The following LARP1 variants were observed in gnomAD, a reference collection of about 807,000 sequenced individuals.
LARP1 encodes the protein La ribonucleoprotein 1, translational regulator.
LARP1 carries 36 observed loss-of-function variants against 122.7 expected under a neutral mutation model. The ratio of observed to expected loss-of-function variants is 0.29; its 90% CI spans 0.22 to 0.39. The LOEUF (loss-of-function observed/expected upper bound fraction) is 0.39. LARP1 is among the 10% of genes least tolerant of loss of function. The pLI is 1.00. For synonymous variants in LARP1, 539 were observed against 528.7 expected (o/e 1.02, Z -0.27); for missense variants, 1,040 against 1,403.6 (o/e 0.74, Z 4.14).
intron 1 of LARP1, among the ~76,000 whole-genome samples, chr5:154,715,689 G>A (rs1160043650): frequency 6.6e-6 from 1 of 152,080 alleles, no homozygotes; most frequent in Non-Finnish European, 1.5e-5. Flanking sequence ...GAGTGCCTTG[G>A]GTATCTGAGT....
rs758268818 is a variant in LARP1, at chr5:154,756,118, C to A, written c.361C>A (p.Pro121Thr). ...GCGCCGGGACTTCGTGGAAGCCCCC[C>A]CGCCCAAGGTGAACCCGTGGACTAA... ...AGRRDFVEAPPPKVNPWTKNA... is the reference protein window; with the variant it reads ...AGRRDFVEAPTPKVNPWTKNA... The change falls in exon 1 of 19, where the codon CCG becomes ACG. Residue 121 changes from proline (P) to threonine (T), a missense_variant. Physicochemically the swap from Pro to Thr is conservative, Grantham distance 38 (BLOSUM62 -1). Transcript: ENST00000518297. The A allele has an allele frequency of 6.4e-6, 8 of 1,244,348 alleles. No homozygotes were observed. In the South Asian group the frequency reaches 9.5e-5, roughly 15 times the overall value. 77.1% of individuals were successfully genotyped at this position (1,244,348 alleles called of 1,614,324 possible).
chr5:154,795,825 A>ATATATATTTTATATACATT (rs1443507472), intron 8 of LARP1, among the ~76,000 whole-genome samples: 1 of 109,848 alleles, frequency 9.1e-6, no homozygotes, highest in Non-Finnish European at 2.0e-5. Context: ...ATATATATTT[A>ATATATATTTTATATACATT]TATATATATT....
upstream of LARP1, among the ~76,000 whole-genome samples, chr5:154,755,084 C>G (rs1412891594): frequency 6.6e-6 from 1 of 152,004 alleles, no homozygotes; most frequent in Non-Finnish European, 1.5e-5. Context: ...ACCGACAACT[C>G]CCGAATTGCA....
At chr5:154,797,742 G>A (rs1197379056) in intron 8 of LARP1, among the ~76,000 whole-genome samples, 2 of 148,722 alleles carry the variant, frequency 1.3e-5, no homozygotes, top group East Asian at 2.0e-4. Context: ...AGGCTAGATT[G>A]CAGTGGTGTG....
At chr5:154,757,913 C>G (rs1400304727) in intron 1 of LARP1, among the ~76,000 whole-genome samples, 2 of 136,580 alleles carry the variant, frequency 1.5e-5, no homozygotes, top group Admixed American at 7.4e-5. Context: ...TCCTCCCCTT[C>G]CCCCCTTTCC....
chr5:154,714,109 A>C (rs1375924191), intron 1 of LARP1, among the ~76,000 whole-genome samples: 1 of 152,234 alleles, frequency 6.6e-6, no homozygotes, highest in Non-Finnish European at 1.5e-5. Context: ...AATCTGGGCA[A>C]TGCTTGCCTA....
At chr5:154,762,278 A>G (rs1198892365) in intron 1 of LARP1, among the ~76,000 whole-genome samples, 1 of 152,044 alleles carries the variant, frequency 6.6e-6, no homozygotes, top group South Asian at 2.1e-4. Flanking sequence ...AACCTCCTAC[A>G]CAGAGGTAAG....
At chr5:154,705,890 T>A (rs895105806) in intron 1 of LARP1, among the ~76,000 whole-genome samples, 1 of 152,120 alleles carries the variant, frequency 6.6e-6, no homozygotes, top group Non-Finnish European at 1.5e-5. Context: ...ACAAAATAAA[T>A]CATTTTATCA....
chr5:154,753,576 C>T (rs1753619332), upstream of LARP1, among the ~76,000 whole-genome samples: 1 of 152,218 alleles, frequency 6.6e-6, no homozygotes, highest in South Asian at 2.1e-4. Flanking sequence ...GCTCTTTTGA[C>T]GTACTGGCTT....
Position 154,816,455 on chromosome 5 carries a change from C to T in LARP1, c.*2359C>T, listed in dbSNP as rs561635962. 2 of 152,744 alleles carry T rather than the reference C, an allele frequency of 1.3e-5. No homozygotes were observed. The highest frequency in any genetic ancestry group is 4.1e-4 in the South Asian group (2 of 4,832). The allele number at this position is 152,744 out of a possible 1,614,324, so 9.5% of individuals were successfully genotyped here. ...TCACAGACATCCCTGAAAGGAAGCC[C>T]CTTTGGGGCAGGGAGGTGAGGACTT... On this transcript the variant is annotated 3_prime_UTR_variant, in exon 19 of 19. Coordinates refer to ENST00000518297, the MANE Select transcript of LARP1 (RefSeq NM_033551.3).
intron 16 of LARP1, among the ~76,000 whole-genome samples, chr5:154,810,370 A>G (rs1759162578): frequency 6.6e-6 from 1 of 151,454 alleles, no homozygotes; most frequent in Admixed American, 6.6e-5. Context: ...CAGGAGGCAG[A>G]GGTTGCAGTG....
chr5:154,716,108 G>T (rs1312859293), intron 1 of LARP1, among the ~76,000 whole-genome samples: 1 of 152,084 alleles, frequency 6.6e-6, no homozygotes, highest in African/African-American at 2.4e-5. Flanking sequence ...GGCCTACACA[G>T]TGGTGTTTTA....
At chr5:154,764,595 C>CAAAAA (rs1158921641) in intron 1 of LARP1, among the ~76,000 whole-genome samples, 6 of 44,878 alleles carry the variant, frequency 1.3e-4, no homozygotes, top group African/African-American at 4.0e-4. Context: ...GACCATGTCT[C>CAAAAA]AAAAAAAAAA....
intron 1 of LARP1, among the ~76,000 whole-genome samples, chr5:154,739,283 G>A (rs1386152848): frequency 6.6e-6 from 1 of 152,148 alleles, no homozygotes; most frequent in Non-Finnish European, 1.5e-5. Context: ...GCCTCCCAAA[G>A]TGCTGGGATT....
intron 1 of LARP1, among the ~76,000 whole-genome samples, chr5:154,717,094 G>A (rs1412051043): frequency 2.6e-5 from 4 of 151,644 alleles, no homozygotes; most frequent in Admixed American, 2.0e-4. Context: ...AAAAAGGAGA[G>A]AGAGAGAGAC....
intron 1 of LARP1, among the ~76,000 whole-genome samples, chr5:154,731,365 T>C (rs1756556496): frequency 6.6e-6 from 1 of 152,228 alleles, no homozygotes; most frequent in Non-Finnish European, 1.5e-5. Flanking sequence ...TTTAATCCTA[T>C]TGATCTTTAA....
intron 8 of LARP1, among the ~76,000 whole-genome samples, chr5:154,798,810 A>G (rs1463685858): frequency 2.0e-5 from 3 of 152,038 alleles, no homozygotes; most frequent in Non-Finnish European, 4.4e-5. Context: ...TTTGATTAAT[A>G]TTTTGTGGGT....
At chr5:154,724,377 AAGGG>A (rs1161117301) in intron 1 of LARP1, among the ~76,000 whole-genome samples, 1 of 152,316 alleles carries the variant, frequency 6.6e-6, no homozygotes, top group East Asian at 1.9e-4. Flanking sequence ...GACCTTAGTC[AAGGG>A]ACTTTTAGGC....
intron 1 of LARP1, among the ~76,000 whole-genome samples, chr5:154,716,866 C>T (rs576669171): frequency 6.6e-6 from 1 of 152,216 alleles, no homozygotes; most frequent in African/African-American, 2.4e-5. Flanking sequence ...TTGAGACTGA[C>T]CTGGGCGACA....
Sources: gnomAD v4.1 joint callset for allele counts (sites outside exome capture counted in the v4.1 genomes callset) on GRCh38, gnomAD v4.1.1 for gene constraint, MANE v1.5 for transcripts, NCBI Gene and HGNC (gene_info 2026-07-23, HGNC 2026-07-21) for gene names.